REEP3: variants seen among roughly 807,000 people sequenced by gnomAD.
REEP3 encodes receptor accessory protein 3.
In REEP3, 20 loss-of-function variants were observed where a neutral mutation model predicts 41.3. The observed-to-expected ratio is 0.48, with a 90% CI of 0.34 to 0.70. The LOEUF is 0.70. Among genes scored for constraint, REEP3 ranks in the 30% least tolerant of loss-of-function variants. The pLI is 0.01. For missense variants in REEP3, 271 were observed against 308.8 expected, an observed-to-expected ratio of 0.88 and a Z score of 0.92; for synonymous variants, 104 against 101.8, an observed-to-expected ratio of 1.02 and a Z score of -0.13.
intron 1 of REEP3, chr10:63,562,863 A>G (rs1372864776): frequency 4.4e-6 from 2 of 451,738 alleles, no homozygotes; most frequent in African/African-American, 2.0e-5. Context: ...CTGTCTCCCC[A>G]AACTTCATAT....
In REEP3 at chr10:63,622,705, C is replaced by CTTTTTTTTTTTTTTTTTT. The variant is rs67568146; in HGVS notation, c.*1839_*1856dup. 17 of 116,600 alleles carry CTTTTTTTTTTTTTTTTTT rather than the reference C, an allele frequency of 1.5e-4. 1 individual carries two copies. Among genetic ancestry groups the CTTTTTTTTTTTTTTTTTT allele is most frequent in the African/African-American group, 5.3e-4 (15 of 28,080 alleles). 7.2% of individuals were successfully genotyped at this position (116,600 alleles called of 1,614,324 possible). On this transcript the variant is annotated 3_prime_UTR_variant, in exon 8 of 8. Coordinates refer to ENST00000373758, the MANE Select transcript of REEP3 (RefSeq NM_001001330.3). ...TGGGAGCTGATTTGCACCATTTTAC[C>CTTTTTTTTTTTTTTTTTT]TTTTTTTTTTTTTTTTTTTTGAGAC...
At chr10:63,589,476 C>G (rs1254497279) in intron 2 of REEP3, among the ~76,000 whole-genome samples, 2 of 152,162 alleles carry the variant, frequency 1.3e-5, no homozygotes, top group South Asian at 4.1e-4. Flanking sequence ...ACAGGAAAAG[C>G]ATGAGGTCAC....
At chr10:63,561,973 C>T (rs1453616810) in intron 1 of REEP3, among the ~76,000 whole-genome samples, 2 of 152,046 alleles carry the variant, frequency 1.3e-5, no homozygotes, top group Non-Finnish European at 2.9e-5. Flanking sequence ...AAATAATTAG[C>T]TTGAATATGT....
chr10:63,566,530 G>A, intron 2 of REEP3, 120 bp downstream of exon 2: 1 of 594,792 alleles, frequency 1.7e-6, no homozygotes, highest in Admixed American at 3.4e-5. Flanking sequence ...TGTTATGAAT[G>A]TGAAGTAACA....
intron 2 of REEP3, among the ~76,000 whole-genome samples, chr10:63,590,521 T>A (rs922124866): frequency 5.5e-4 from 20 of 36,380 alleles, no homozygotes; most frequent in Non-Finnish European, 1.2e-3. Context: ...TCAAGGAAAT[T>A]TTTTTTTTTT....
intron 7 of REEP3, 129 bp downstream of exon 7, chr10:63,619,929 T>A: frequency 1.1e-6 from 1 of 915,638 alleles, no homozygotes; most frequent in Non-Finnish European, 1.6e-6. Context: ...TTTTTTTTTT[T>A]TTTTTTTTTT....
At chr10:63,557,066 C>T (rs1483093795) in intron 1 of REEP3, among the ~76,000 whole-genome samples, 1 of 152,116 alleles carries the variant, frequency 6.6e-6, no homozygotes, top group Non-Finnish European at 1.5e-5. Context: ...TAAAAACATA[C>T]TATAGTTTCC....
In REEP3 at chr10:63,574,316, A is replaced by G. The variant is rs150343749; in HGVS notation, c.105+7906A>G. ...TATAATTTGTTTAGCTCAATATTCA[A>G]TATTTATATTATTTAGACAAAATTA... On this transcript the variant is annotated intron_variant, in intron 2 of 7. Transcript: ENST00000373758. Among the ~76,000 whole-genome samples, 497 of 152,278 alleles carry G rather than the reference A, an allele frequency of 3.3e-3. 2 individuals are homozygous for G. Among genetic ancestry groups the G allele is most frequent in the African/African-American group, 0.012 (482 of 41,548 alleles).
intron 1 of REEP3, among the ~76,000 whole-genome samples, chr10:63,524,083 C>T (rs1345543340): frequency 6.6e-6 from 1 of 152,164 alleles, no homozygotes; most frequent in East Asian, 1.9e-4. Flanking sequence ...GTGTCAGGAA[C>T]TGTTATTTTG....
intron 5 of REEP3, among the ~76,000 whole-genome samples, chr10:63,604,871 G>A (rs72838786): frequency 0.047 from 7,128 of 152,076 alleles, 246 homozygotes; most frequent in African/African-American, 0.085. Flanking sequence ...CTTGTAAAAC[G>A]AAGAGGTGAA....
intron 5 of REEP3, among the ~76,000 whole-genome samples, chr10:63,603,757 A>G (rs1011718071): frequency 1.3e-5 from 2 of 152,206 alleles, no homozygotes; most frequent in Non-Finnish European, 2.9e-5. Context: ...TGGAGTCTAT[A>G]TTATTCACTA....
intron 1 of REEP3, among the ~76,000 whole-genome samples, chr10:63,545,680 G>GTT (rs55779021): frequency 0.11 from 6,156 of 55,546 alleles, 889 homozygotes; most frequent in East Asian, 0.21. Flanking sequence ...GCCAACTTCT[G>GTT]TTTTTTTTTT....
Position 63,620,771 on chromosome 10 carries a change from GTA to G in REEP3, c.712-41_712-40del, listed in dbSNP as rs1170011382. On this transcript the variant is annotated intron_variant, in intron 7 of 7. Transcript: ENST00000373758. The stretch of plus-strand genomic sequence containing the variant: ...ATTAAATCTGATGTAATTTTTTAAA[GTA>G]ATCATCTAATTCTTAATAATAAAAC... The G allele has an allele frequency of 1.4e-5, 19 of 1,319,480 alleles. No individual in the cohort carries two copies. In the Middle Eastern group the frequency reaches 1.5e-3, roughly 105 times the overall value. 81.7% of individuals were successfully genotyped at this position (1,319,480 alleles called of 1,614,324 possible).
In REEP3 at chr10:63,538,201, TGTTA is replaced by T. The variant is rs201986367; in HGVS notation, c.32+16628_32+16631del. Among the ~76,000 whole-genome samples, 302 of 152,318 alleles carry T rather than the reference TGTTA, an allele frequency of 2.0e-3. 3 individuals are homozygous for T. The South Asian group carries it at 0.028, about 14-fold the overall frequency. On this transcript the variant is annotated intron_variant, in intron 1 of 7. Transcript: ENST00000373758. The stretch of plus-strand genomic sequence containing the variant: ...TTTTCATGATATTTCTTGCCTATTT[TGTTA>T]GTTTAGCCTATCAAAAATGTCACAT...
intron 2 of REEP3, among the ~76,000 whole-genome samples, chr10:63,574,360 G>A (rs934432495): frequency 1.3e-5 from 2 of 152,094 alleles, no homozygotes; most frequent in African/African-American, 4.8e-5. Context: ...AGAATATAGA[G>A]GTAAAGTGCA....
intron 2 of REEP3, among the ~76,000 whole-genome samples, chr10:63,588,032 A>C (rs1250761732): frequency 6.6e-6 from 1 of 152,184 alleles, no homozygotes; most frequent in Admixed American, 6.5e-5. Flanking sequence ...TCTTCCCTAG[A>C]CAGCTCCCTT....
intron 1 of REEP3, among the ~76,000 whole-genome samples, chr10:63,530,034 C>G (rs1371476468): frequency 1.3e-5 from 2 of 152,156 alleles, no homozygotes; most frequent in Non-Finnish European, 2.9e-5. Flanking sequence ...CTGCCTTGGC[C>G]TCCTCAAGTG....
intron 1 of REEP3, among the ~76,000 whole-genome samples, chr10:63,536,431 A>G (rs1955475023): frequency 6.6e-6 from 1 of 152,200 alleles, no homozygotes; most frequent in South Asian, 2.1e-4. Context: ...TGTGAAAAGT[A>G]TCTAAATTAT....
Position 63,620,942 on chromosome 10 carries a change from C to A in REEP3, c.*73C>A. On this transcript the variant is annotated 3_prime_UTR_variant, in exon 8 of 8. Transcript: ENST00000373758. The stretch of plus-strand genomic sequence containing the variant: ...ACTTCATCTTCTAACATGATATATT[C>A]AGGATTTACACATTAAAATGATTAT... The A allele has an allele frequency of 1.1e-6, 1 of 907,036 alleles. No individual in the cohort carries two copies. Among genetic ancestry groups the A allele is most frequent in the South Asian group, 1.6e-5 (1 of 64,446 alleles). The allele number at this position is 907,036 out of a possible 1,614,324, so 56.2% of individuals were successfully genotyped here. A position where few individuals can be genotyped will look rare whatever the true frequency, so the allele number is the denominator to read the frequency against.
Sources: allele counts gnomAD v4.1 joint callset (sites outside exome capture counted in the v4.1 genomes callset), GRCh38; gene constraint gnomAD v4.1.1; transcripts MANE v1.5; gene names NCBI Gene and HGNC (gene_info 2026-07-23, HGNC 2026-07-21).